The following GRM8 variants were observed in gnomAD, a reference collection of about 807,000 sequenced individuals.
The protein encoded by GRM8 is glutamate metabotropic receptor 8.
In GRM8, 47 loss-of-function variants were observed where a neutral mutation model predicts 87.2. The ratio of observed to expected loss-of-function variants is 0.54; its 90% CI spans 0.43 to 0.69. GRM8 has a LOEUF of 0.69. GRM8 is among the 30% of genes least tolerant of loss of function. The pLI, the probability that GRM8 is intolerant of heterozygous loss-of-function variation, is 0.00. For synonymous variants in GRM8, 396 were observed against 404.5 expected, an observed-to-expected ratio of 0.98 and a Z score of 0.25; for missense variants, 1,019 against 1,139.2, an observed-to-expected ratio of 0.89 and a Z score of 1.52.
At chr7:126,591,886 A>T (rs1796704776) in intron 8 of GRM8, among the ~76,000 whole-genome samples, 1 of 151,810 alleles carries the variant, frequency 6.6e-6, no homozygotes, top group South Asian at 2.1e-4. Flanking sequence ...ACTTAAAGAG[A>T]CACAGATAAA....
In GRM8 at chr7:127,250,128, A is replaced by T. The variant is rs139630191; in HGVS notation, c.-312+2669T>A. Among the ~76,000 whole-genome samples the T allele has an allele frequency of 7.2e-5, 11 of 152,322 alleles. No individual in the cohort carries two copies. In the East Asian group the frequency reaches 1.3e-3, roughly 19 times the overall value. ...AAGACAATGGAACATTCATACACAAAGATTGGCACGCAATTGCCAATGTGA... is the reference window on the plus strand; with the variant it reads ...AAGACAATGGAACATTCATACACAATGATTGGCACGCAATTGCCAATGTGA... On this transcript the variant is annotated intron_variant, in intron 1 of 10. Transcript: ENST00000339582.
intron 3 of GRM8, among the ~76,000 whole-genome samples, chr7:127,087,557 A>G (rs979669941): frequency 3.9e-5 from 6 of 152,222 alleles, no homozygotes; most frequent in Non-Finnish European, 8.8e-5. Context: ...AGCTAAGTTC[A>G]TAGAATCAAA....
intron 7 of GRM8, among the ~76,000 whole-genome samples, chr7:126,711,004 C>T (rs1489669271): frequency 2.0e-5 from 3 of 152,100 alleles, no homozygotes; most frequent in Non-Finnish European, 2.9e-5. Flanking sequence ...GAAACCCTGT[C>T]TCTACTAAAA....
chr7:126,784,644 T>C (rs1820441831), intron 6 of GRM8, among the ~76,000 whole-genome samples: 1 of 152,184 alleles, frequency 6.6e-6, no homozygotes, highest in African/African-American at 2.4e-5. Context: ...TAACCATTTA[T>C]TGGGATCTAT....
chr7:126,449,912 C>T (rs929467880), intron 9 of GRM8, among the ~76,000 whole-genome samples: 1 of 151,844 alleles, frequency 6.6e-6, no homozygotes, highest in Admixed American at 6.6e-5. Flanking sequence ...TTCTATCACA[C>T]GCACTGATGG....
At chr7:126,657,580 G>A (rs1380890266) in intron 7 of GRM8, among the ~76,000 whole-genome samples, 3 of 152,204 alleles carry the variant, frequency 2.0e-5, no homozygotes, top group Non-Finnish European at 4.4e-5. Context: ...ATAGTTCCAA[G>A]CTTCTATCAC....
At chr7:127,019,442 T>G (rs1158692896) in intron 3 of GRM8, among the ~76,000 whole-genome samples, 1 of 152,092 alleles carries the variant, frequency 6.6e-6, no homozygotes, top group Non-Finnish European at 1.5e-5. Context: ...ATAAGTAACA[T>G]GAAAGAATTA....
intron 6 of GRM8, among the ~76,000 whole-genome samples, chr7:126,810,964 T>A (rs2151737773): frequency 6.6e-6 from 1 of 151,970 alleles, no homozygotes; most frequent in Non-Finnish European, 1.5e-5. Context: ...TTCAGGAGAG[T>A]TTTCCCTAGG....
intron 3 of GRM8, among the ~76,000 whole-genome samples, chr7:127,041,490 C>T (rs997020311): frequency 4.6e-5 from 7 of 152,216 alleles, no homozygotes; most frequent in Non-Finnish European, 7.3e-5. Context: ...AGACGCTATG[C>T]TATTTGGGGA....
At chr7:126,597,005 C>T (rs10253770) in intron 8 of GRM8, among the ~76,000 whole-genome samples, 31,396 of 151,924 alleles carry the variant, frequency 0.21, 3,456 homozygotes, top group African/African-American at 0.29. Flanking sequence ...TTTCTATGTC[C>T]TTGTTGTATA....
At chr7:126,796,622 T>TA (rs2151692302) in intron 6 of GRM8, among the ~76,000 whole-genome samples, 1 of 152,134 alleles carries the variant, frequency 6.6e-6, no homozygotes, top group East Asian at 1.9e-4. Flanking sequence ...AAAAATAAAC[T>TA]AAGCACAAGA....
intron 2 of GRM8, chr7:127,111,256 T>A (rs898554892): frequency 6.6e-6 from 1 of 152,208 alleles, no homozygotes; most frequent in Non-Finnish European, 1.5e-5. Context: ...ATATTGGACT[T>A]GCAAACTCTG....
intron 6 of GRM8, among the ~76,000 whole-genome samples, chr7:126,772,143 T>A (rs932375852): frequency 1.8e-4 from 28 of 152,104 alleles, no homozygotes; most frequent in African/African-American, 6.8e-4. Context: ...TATTTCCGTA[T>A]AGATTCTAGT....
intron 6 of GRM8, among the ~76,000 whole-genome samples, chr7:126,782,567 G>T (rs544722901): frequency 6.6e-6 from 1 of 152,108 alleles, no homozygotes; most frequent in Non-Finnish European, 1.5e-5. Flanking sequence ...GTAATGGGCA[G>T]GTTCTCTCTT....
At chr7:126,497,791 A>T (rs1808992680) in intron 9 of GRM8, among the ~76,000 whole-genome samples, 1 of 151,998 alleles carries the variant, frequency 6.6e-6, no homozygotes, top group Non-Finnish European at 1.5e-5. Context: ...AATGATAGGC[A>T]GTAGTAACCT....
chr7:127,054,030 G>A lies in GRM8; in HGVS notation c.727+52466C>T, dbSNP rs113444791. On this transcript the variant is annotated intron_variant, in intron 3 of 10. Coordinates refer to ENST00000339582, the MANE Select transcript of GRM8 (RefSeq NM_000845.3). Reference sequence around the variant, plus strand: ...ATAGGTTTACAGTACTACTAAATACGAGTCAGGATTCTAAGTCTGACTTGG... The same window carrying A: ...ATAGGTTTACAGTACTACTAAATACAAGTCAGGATTCTAAGTCTGACTTGG... Among the ~76,000 whole-genome samples, 491 of 152,130 alleles carry A rather than the reference G, an allele frequency of 3.2e-3. 5 individuals are homozygous for A. Among genetic ancestry groups the A allele is most frequent in the African/African-American group, 0.011 (470 of 41,502 alleles).
intron 3 of GRM8, among the ~76,000 whole-genome samples, chr7:127,063,884 A>C (rs1409330531): frequency 6.6e-6 from 1 of 152,192 alleles, no homozygotes; most frequent in African/African-American, 2.4e-5. Flanking sequence ...CTATTTACCC[A>C]AAAGTCATTC....
intron 3 of GRM8, among the ~76,000 whole-genome samples, chr7:126,918,927 C>A (rs979149532): frequency 2.0e-5 from 3 of 152,096 alleles, no homozygotes; most frequent in Admixed American, 2.0e-4. Flanking sequence ...AAAAGGATAA[C>A]AATTTGTTAC....
In GRM8 at chr7:127,212,162, C is replaced by T. The variant is rs529805619; in HGVS notation, c.510+30533G>A. On this transcript the variant is annotated intron_variant, in intron 2 of 10. Transcript: ENST00000339582. ...AGCACTTTAGAGGTGTTTTTAAGGA[C>T]AGAAATATATTTTCAATTCTATTAC... Among the ~76,000 whole-genome samples, 49 of 152,260 alleles carry T rather than the reference C, an allele frequency of 3.2e-4. 1 individual carries two copies. The South Asian group carries it at 5.0e-3, about 15-fold the overall frequency.
Sources: gnomAD v4.1 joint callset for allele counts (sites outside exome capture counted in the v4.1 genomes callset) on GRCh38, gnomAD v4.1.1 for gene constraint, MANE v1.5 for transcripts, NCBI Gene and HGNC (gene_info 2026-07-23, HGNC 2026-07-21) for gene names.